Variants in CCDC88A observed in about 807,000 individuals in gnomAD.
CCDC88A encodes girdin.
A neutral mutation model predicts 234.3 loss-of-function variants in CCDC88A; 54 were observed. The observed-to-expected ratio is 0.23, with a 90% CI of 0.19 to 0.29. The LOEUF (loss-of-function observed/expected upper bound fraction) is 0.29, where lower values mean the gene tolerates loss of function less well. Among genes scored for constraint, CCDC88A ranks in the 10% least tolerant of loss-of-function variants. The probability of loss-of-function intolerance (pLI) is 1.00; values close to 1 mark genes in which losing one functional copy is unlikely to be tolerated. For missense variants in CCDC88A, 1,832 were observed against 2,123.4 expected, an observed-to-expected ratio of 0.86 and a Z score of 2.70; for synonymous variants, 753 against 737.8, an observed-to-expected ratio of 1.02 and a Z score of -0.33.
At position 55,355,638 on chromosome 2, in the gene CCDC88A, T is replaced by G. The variant is rs369517756; in HGVS notation, c.741A>C (p.Gln247His). 1 of 1,614,074 alleles carries G rather than the reference T, an allele frequency of 6.2e-7. No homozygotes were observed. The highest frequency in any genetic ancestry group is 1.1e-5 in the South Asian group (1 of 91,084). Reference protein sequence around the residue: ...SPGMKRTESRQHLSVELADAK... With the variant: ...SPGMKRTESRHHLSVELADAK... ...CATCTGCCAGTTCCACCGACAGATG[T>G]TGTCGACTTTCTGTTCGCTTCATGC... is the stretch of plus-strand genomic sequence containing the variant. The change falls in exon 8 of 33, where the codon CAA becomes CAC. Residue 247 changes from glutamine to histidine, a missense_variant. Around this residue, in one of 6 missense-constraint regions of CCDC88A, gnomAD observed 1,282 missense variants for 1,543.6 expected, o/e 0.83. Transcript: ENST00000436346.
chr2:55,298,686 A>C (rs1680492665), intron 29 of CCDC88A, among the ~76,000 whole-genome samples: 1 of 152,022 alleles, frequency 6.6e-6, no homozygotes, highest in Non-Finnish European at 1.5e-5. Flanking sequence ...CCTGGGCAAC[A>C]TGTTAGAAAC....
chr2:55,336,944 A>G (rs1685521077), intron 13 of CCDC88A, 126 bp from the exon 14 acceptor site: 1 of 564,514 alleles, frequency 1.8e-6, no homozygotes, highest in Non-Finnish European at 3.0e-6. Flanking sequence ...AAAATTTAAG[A>G]AATTAGTATA....
At chr2:55,304,102 C>A (rs13398447) in intron 25 of CCDC88A, among the ~76,000 whole-genome samples, 10,119 of 150,426 alleles carry the variant, frequency 0.067, 1,086 homozygotes, top group African/African-American at 0.23. Context: ...TGAGCCCAGG[C>A]GTTCAAGACC....
chr2:55,369,179 T>G (rs977112426), intron 5 of CCDC88A, among the ~76,000 whole-genome samples: 2 of 151,932 alleles, frequency 1.3e-5, no homozygotes, highest in Non-Finnish European at 2.9e-5. Context: ...GGATTACAGA[T>G]GCCCACTACC....
chr2:55,296,177 A>AAG, intron 30 of CCDC88A, 81 bp downstream of exon 30: 1 of 1,458,860 alleles, frequency 6.9e-7, no homozygotes, highest in South Asian at 1.4e-5. Flanking sequence ...ACTTACCAAA[A>AAG]AAAAAAAGCT....
chr2:55,418,585 T>C (rs1681845768), intron 2 of CCDC88A: 1 of 562,352 alleles, frequency 1.8e-6, no homozygotes, highest in Admixed American at 3.1e-5. Flanking sequence ...TGACAATACA[T>C]GGTTGACAGA....
At position 55,334,412 on chromosome 2, in the gene CCDC88A, T is replaced by C. The variant is rs961386231; in HGVS notation, c.2409A>G (p.Leu803=). The C allele has an allele frequency of 2.5e-5, 40 of 1,581,560 alleles. No homozygotes were observed. Among genetic ancestry groups the C allele is most frequent in the Non-Finnish European group, 3.3e-5 (39 of 1,171,650 alleles). The change falls in exon 15 of 33, where the codon CTA becomes CTG. Residue 803 remains leucine, a synonymous_variant. Transcript: ENST00000436346. The surrounding 1 kb of genome is among the most constrained non-coding windows in gnomAD (Gnocchi z 6.1). The stretch of plus-strand genomic sequence containing the variant: ...GTTCTAGTCTTTTGCTAGATATTTT[T>C]AGTTCTTCTAGGTTTTTCTGCAATG... ...NQTLQKNLEE[L]KISSKRLEQL...
At chr2:55,308,513 T>TA (rs1681928818) in intron 25 of CCDC88A, 1 of 297,256 alleles carries the variant, frequency 3.4e-6, no homozygotes, top group African/African-American at 2.2e-5. Context: ...GAAGCAAAGG[T>TA]AAAAGGCTTG....
At position 55,309,145 on chromosome 2, in the gene CCDC88A, A is replaced by C. The variant is rs1168861466; in HGVS notation, c.4172+17T>G. The stretch of plus-strand genomic sequence containing the variant: ...TTTTTTTCAGAATAAGAATTCATAA[A>C]ATTTGGTTAATGGTACCTTCTAGGA... On this transcript the variant is annotated intron_variant, in intron 24 of 32. Transcript: ENST00000436346. This position sits in a 1 kb window ranked among gnomAD's most constrained non-coding sequence, Gnocchi z 5.1. The C allele has an allele frequency of 6.7e-7, 1 of 1,482,730 alleles. No homozygotes were observed. The highest frequency in any genetic ancestry group is 9.3e-7 in the Non-Finnish European group (1 of 1,071,686). The allele number at this position is 1,482,730 out of a possible 1,614,324, so 91.8% of individuals were successfully genotyped here.
intron 4 of CCDC88A, among the ~76,000 whole-genome samples, chr2:55,373,250 T>C (rs527549926): frequency 6.6e-6 from 1 of 152,170 alleles, no homozygotes; most frequent in African/African-American, 2.4e-5. Context: ...TGAAACAACC[T>C]ACTTTCTAGC....
chr2:55,333,934 A>C (rs1244148150), intron 15 of CCDC88A, among the ~76,000 whole-genome samples, 160 bp downstream of exon 15: 1 of 152,092 alleles, frequency 6.6e-6, no homozygotes, highest in East Asian at 1.9e-4. Context: ...TAGTTTAACA[A>C]AGTAGGAAAC....
intron 9 of CCDC88A, among the ~76,000 whole-genome samples, chr2:55,347,309 C>A (rs1669267431): frequency 6.6e-6 from 1 of 152,062 alleles, no homozygotes; most frequent in African/African-American, 2.4e-5. Context: ...ACCCTGAAAC[C>A]TTTTCAGGGA....
rs1369590849 is a variant in CCDC88A at position 55,339,644 on chromosome 2, G to T, written c.1338C>A (p.Pro446=). Residue 446 remains proline, a synonymous_variant, in exon 13 of 33, where the codon CCC becomes CCA. Coordinates refer to ENST00000436346, the MANE Select transcript of CCDC88A (RefSeq NM_001365480.1). ...TCACCTCATGGCCCAGGGATTTCTGGGGTGCTATAATATTGAAAAATACAC... is the reference window on the plus strand; with the variant it reads ...TCACCTCATGGCCCAGGGATTTCTGTGGTGCTATAATATTGAAAAATACAC... ...ISRTSELSEA[P]QKSLGHEVNE... is the part of the protein sequence containing the mutation. The T allele has an allele frequency of 6.2e-7, 1 of 1,600,924 alleles. No homozygotes were observed. Among genetic ancestry groups the T allele is most frequent in the South Asian group, 1.1e-5 (1 of 88,088 alleles).
In CCDC88A at chr2:55,308,918, G is replaced by T; in HGVS notation, c.4278C>A (p.Asp1426Glu). 1 of 1,613,856 alleles carries T rather than the reference G, an allele frequency of 6.2e-7. No homozygotes were observed. The highest frequency in any genetic ancestry group is 1.3e-5 in the African/African-American group (1 of 75,040). Residue 1426 changes from aspartate to glutamate, a missense_variant, in exon 25 of 33, where the codon GAC becomes GAA. By Grantham distance (45) the Asp-to-Glu change is conservative. Transcript: ENST00000436346. ...GGAGCTGAAGAAATCCTTCACTGGA[G>T]TCTGAGCGGGTGGGTGTTAATGTTA... ...KSLTLTPTRS[D>E]SSEGFLQLPH...
At chr2:55,314,978 C>T (rs1217107579) in intron 22 of CCDC88A, 13 of 152,170 alleles carry the variant, frequency 8.5e-5, no homozygotes. Flanking sequence ...GAGAATTAGC[C>T]AGGGATGCAT....
chr2:55,318,820 T>G (rs776890710), intron 19 of CCDC88A, 23 bp downstream of exon 19: 2 of 1,538,876 alleles, frequency 1.3e-6, no homozygotes, highest in Non-Finnish European at 1.8e-6. Flanking sequence ...TGGTTGCATA[T>G]TCCCAAAATA....
chr2:55,320,834 G>T (rs1683530917), intron 18 of CCDC88A: 1 of 152,216 alleles, frequency 6.6e-6, no homozygotes, highest in African/African-American at 2.4e-5. Flanking sequence ...TTTAGGTTGG[G>T]TGTGGTGACT....
intron 2 of CCDC88A, among the ~76,000 whole-genome samples, chr2:55,399,040 A>C (rs1021596837): frequency 6.6e-6 from 1 of 152,158 alleles, no homozygotes; most frequent in Non-Finnish European, 1.5e-5. Context: ...AATACTGATG[A>C]CTGATTTAAC....
At chr2:55,310,168 G>T (rs1682163606) in intron 23 of CCDC88A, among the ~76,000 whole-genome samples, 3 of 152,156 alleles carry the variant, frequency 2.0e-5, no homozygotes. Flanking sequence ...GTGAGGGAGA[G>T]TTTTTGTTTT....
Sources: gnomAD v4.1 joint callset for allele counts (sites outside exome capture counted in the v4.1 genomes callset) on GRCh38, gnomAD v4.1.1 for gene constraint, gnomAD v4.1.1 regional missense constraint, Gnocchi (gnomAD v3.1) non-coding constraint, MANE v1.5 for transcripts, NCBI Gene and HGNC (gene_info 2026-07-23, HGNC 2026-07-21) for gene names.